Variants in DISC1 observed in about 807,000 individuals in gnomAD.
The protein encoded by DISC1 is disrupted in schizophrenia 1 protein.
Under a neutral mutation model 84.5 loss-of-function variants are expected in DISC1, and 57 were observed. The ratio of observed to expected loss-of-function variants is 0.67; its 90% CI spans 0.55 to 0.84. DISC1 has a LOEUF of 0.84. Ranked by LOEUF, DISC1 falls within the 40% of genes least tolerant of loss-of-function variation. DISC1 has a pLI of 0.00. For synonymous variants in DISC1, 411 were observed against 415.2 expected (o/e 0.99, Z 0.12); for missense variants, 1,000 against 1,057.8 (o/e 0.95, Z 0.76).
At chr1:231,908,487 GA>G (rs774020394) in intron 9 of DISC1, among the ~76,000 whole-genome samples, 8 of 152,166 alleles carry the variant, frequency 5.3e-5, no homozygotes, top group Non-Finnish European at 8.8e-5. Flanking sequence ...GATGGTTGTA[GA>G]TGTGTGGTAT....
At chr1:231,642,169 C>T (rs1482926516) in intron 1 of DISC1, among the ~76,000 whole-genome samples, 1 of 152,054 alleles carries the variant, frequency 6.6e-6, no homozygotes, top group East Asian at 1.9e-4. Flanking sequence ...CTTCACTGCC[C>T]GGGGCCGGCG....
chr1:231,857,271 A>G (rs914974941), intron 9 of DISC1, among the ~76,000 whole-genome samples: 1 of 152,250 alleles, frequency 6.6e-6, no homozygotes, highest in Non-Finnish European at 1.5e-5. Context: ...TCCCAAGTAC[A>G]AATTTATTTC....
intron 1 of DISC1, among the ~76,000 whole-genome samples, chr1:231,693,121 A>G (rs1004152590): frequency 7.2e-5 from 11 of 152,250 alleles, no homozygotes; most frequent in Admixed American, 2.0e-4. Context: ...GTGGAAGGTC[A>G]CACAACCAGC....
At chr1:231,776,613 G>A (rs1342787905) in intron 6 of DISC1, among the ~76,000 whole-genome samples, 1 of 152,196 alleles carries the variant, frequency 6.6e-6, no homozygotes, top group Non-Finnish European at 1.5e-5. Flanking sequence ...CTGGCGGGGG[G>A]CACTGATTAT....
intron 1 of DISC1, among the ~76,000 whole-genome samples, chr1:231,628,809 A>G (rs1309972259): frequency 1.3e-5 from 2 of 152,150 alleles, no homozygotes; most frequent in Non-Finnish European, 2.9e-5. Context: ...TGGCACAATC[A>G]TGGCTCACTG....
intron 9 of DISC1, among the ~76,000 whole-genome samples, chr1:231,926,546 C>T (rs2090368437): frequency 6.6e-6 from 1 of 152,188 alleles, no homozygotes; most frequent in South Asian, 2.1e-4. Flanking sequence ...TGTTGTGACT[C>T]ACCATTTCTA....
chr1:231,722,881 C>A (rs1435902822), intron 3 of DISC1: 2 of 1,374,666 alleles, frequency 1.5e-6, no homozygotes, highest in Non-Finnish European at 1.9e-6. Flanking sequence ...CATGAAAAAA[C>A]CGCTATTGTT....
At chr1:231,771,249 T>C in intron 6 of DISC1, 179 bp downstream of exon 6, 1 of 985,036 alleles carries the variant, frequency 1.0e-6, no homozygotes, top group Non-Finnish European at 1.2e-6. Flanking sequence ...GTCCTGAACA[T>C]TGCAAGTTAT....
intron 9 of DISC1, among the ~76,000 whole-genome samples, chr1:231,929,756 A>G (rs966758643): frequency 6.6e-6 from 1 of 152,366 alleles, no homozygotes; most frequent in African/African-American, 2.4e-5. Context: ...CCAGATAGGA[A>G]GAAAGAAACA....
At chr1:231,660,567 C>G (rs539080063) in intron 1 of DISC1, among the ~76,000 whole-genome samples, 4 of 152,272 alleles carry the variant, frequency 2.6e-5, no homozygotes, top group Non-Finnish European at 4.4e-5. Context: ...ACCTCTGCCT[C>G]CCGGGTGAAG....
At chr1:231,958,643 G>A (rs563099029) in intron 9 of DISC1, among the ~76,000 whole-genome samples, 185 bp from the exon 10 acceptor site, 10 of 152,286 alleles carry the variant, frequency 6.6e-5, no homozygotes, top group South Asian at 2.1e-4. Flanking sequence ...TCAGAGCCCC[G>A]GAATCCTCCC....
rs1378233575 is a variant in DISC1 at position 232,039,591 on chromosome 1, T to G, written c.*2760T>G. On this transcript the variant is annotated 3_prime_UTR_variant, in exon 13 of 13. Coordinates refer to ENST00000439617, the MANE Select transcript of DISC1 (RefSeq NM_018662.3). Reference sequence around the variant, plus strand: ...AAAGTCCGCTAAGGGCCAGCGTGCTTCTTCTGGCTACACAACCTTCTCAGG... The same window carrying G: ...AAAGTCCGCTAAGGGCCAGCGTGCTGCTTCTGGCTACACAACCTTCTCAGG... 6.6e-6 allele frequency: 1 copy of G among 152,078 alleles called. No homozygotes were observed. The highest frequency in any genetic ancestry group is 2.4e-5 in the African/African-American group (1 of 41,398). The allele number at this position is 152,078 out of a possible 1,614,324, so 9.4% of individuals were successfully genotyped here. A position where few individuals can be genotyped will look rare whatever the true frequency, so the allele number is the denominator to read the frequency against.
chr1:232,008,739 A>G, intron 10 of DISC1, 46 bp from the exon 11 acceptor site: 2 of 1,518,264 alleles, frequency 1.3e-6, no homozygotes, highest in South Asian at 1.3e-5. Context: ...GTATGATGAA[A>G]CATCACTGAG....
chr1:232,033,988 G>A (rs1247865018), intron 12 of DISC1, among the ~76,000 whole-genome samples: 1 of 151,992 alleles, frequency 6.6e-6, no homozygotes, highest in Non-Finnish European at 1.5e-5. Flanking sequence ...TCTACAATAT[G>A]CTTTCCCCCA....
intron 8 of DISC1, among the ~76,000 whole-genome samples, chr1:231,809,285 C>A (rs542862588): frequency 6.6e-6 from 1 of 152,132 alleles, no homozygotes; most frequent in Non-Finnish European, 1.5e-5. Flanking sequence ...GGCAGCCCAA[C>A]AAGTGGGCTC....
rs532993621 is a variant in DISC1, at chr1:231,910,606, A to G, written c.1982-48222A>G. 6.6e-5 allele frequency among the ~76,000 whole-genome samples: 10 copies of G among 152,268 alleles called. No homozygotes were observed. In the South Asian group the frequency reaches 1.5e-3, roughly 22 times the overall value. On this transcript the variant is annotated intron_variant, in intron 9 of 12. Coordinates refer to ENST00000439617, the MANE Select transcript of DISC1 (RefSeq NM_018662.3). ...TGCTTTACTTCCAACTATGTGGTCA[A>G]TTTTGGAATAAGTGCGATGTGGTGC...
intron 10 of DISC1, among the ~76,000 whole-genome samples, chr1:231,967,194 C>G (rs1184284618): frequency 6.6e-6 from 1 of 152,216 alleles, no homozygotes; most frequent in Admixed American, 6.5e-5. Flanking sequence ...TGAGCAGCAC[C>G]TGAAAGACCA....
chr1:231,678,628 A>T (rs1381675206), intron 1 of DISC1, among the ~76,000 whole-genome samples: 1 of 152,188 alleles, frequency 6.6e-6, no homozygotes, highest in Non-Finnish European at 1.5e-5. Flanking sequence ...GCCAGTCTAA[A>T]TTCAGAACTC....
At chr1:231,813,066 ATC>A (rs141832480) in intron 8 of DISC1, among the ~76,000 whole-genome samples, 2 of 152,220 alleles carry the variant, frequency 1.3e-5, no homozygotes, top group Non-Finnish European at 2.9e-5. Flanking sequence ...TTAATTAATG[ATC>A]TCTCCTATGT....
Sources: allele counts gnomAD v4.1 joint callset (sites outside exome capture counted in the v4.1 genomes callset), GRCh38; gene constraint gnomAD v4.1.1; transcripts MANE v1.5; gene names NCBI Gene and HGNC (gene_info 2026-07-23, HGNC 2026-07-21).